Variants in SVOPL observed in about 807,000 individuals in gnomAD.
The protein encoded by SVOPL is putative transporter SVOPL.
Under a neutral mutation model 61.0 loss-of-function variants are expected in SVOPL, and 60 were observed. That is an observed-to-expected ratio of 0.98 (90% CI 0.80 to 1.22). SVOPL has a LOEUF of 1.22. Ranked by LOEUF, SVOPL falls within the 50% of genes most tolerant of loss-of-function variation. The probability of loss-of-function intolerance (pLI) is 0.00; values close to 1 mark genes in which losing one functional copy is unlikely to be tolerated. For missense variants in SVOPL, 662 were observed against 643.9 expected (o/e 1.03, Z -0.30); for synonymous variants, 279 against 250.0 (o/e 1.12, Z -1.09).
intron 13 of SVOPL, among the ~76,000 whole-genome samples, chr7:138,622,081 T>C (rs1303792624): frequency 9.1e-5 from 13 of 142,094 alleles, no homozygotes; most frequent in African/African-American, 3.3e-4. Flanking sequence ...TATCTATCTA[T>C]CTATCTATGT....
chr7:138,700,945 T>C (rs1276759576), intron 1 of SVOPL, among the ~76,000 whole-genome samples: 1 of 152,226 alleles, frequency 6.6e-6, no homozygotes, highest in African/African-American at 2.4e-5. Context: ...CATTTTATTC[T>C]ATTGTATTTT....
Position 138,608,847 on chromosome 7 carries a change from C to T in SVOPL, c.1353+12199G>A, listed in dbSNP as rs145392297. Among the ~76,000 whole-genome samples, 328 of 152,122 alleles carry T rather than the reference C, an allele frequency of 2.2e-3. 3 individuals are homozygous for T. Among genetic ancestry groups the T allele is most frequent in the African/African-American group, 7.5e-3 (311 of 41,488 alleles). On this transcript the variant is annotated intron_variant, in intron 14 of 15. Coordinates refer to ENST00000674285, the MANE Select transcript of SVOPL (RefSeq NM_001139456.2). ...AACCCCGCACAGAAAAAGGAGAACA[C>T]GAACAAGAATGAAAGACAAATAACA...
intron 5 of SVOPL, chr7:138,662,585 G>GC (rs1181882079): frequency 1.0e-6 from 1 of 987,150 alleles, no homozygotes; most frequent in African/African-American, 1.7e-5. Flanking sequence ...GCTCTGAAGG[G>GC]CTAAGGGGCC....
chr7:138,604,677 C>CAAAAA (rs5887890), intron 14 of SVOPL, among the ~76,000 whole-genome samples: 5 of 58,788 alleles, frequency 8.5e-5, no homozygotes, highest in African/African-American at 4.3e-4. Flanking sequence ...AACTTTATCT[C>CAAAAA]AAAAAAAAAA....
rs375556204 is a variant in SVOPL at position 138,620,119 on chromosome 7, G to GTTTTTTTTTTTTTTTTT, written c.1353+926_1353+927insAAAAAAAAAAAAAAAAA. ...TTTTTTTCTTTTTTGTTTTTTTTCTGTTTTGTTTTTTTTTTTTTTTTGAGA... is the reference window on the plus strand; with the variant it reads ...TTTTTTTCTTTTTTGTTTTTTTTCTGTTTTTTTTTTTTTTTTTTTTTGTTTTTTTTTTTTTTTTGAGA... On this transcript the variant is annotated intron_variant, in intron 14 of 15. Coordinates refer to ENST00000674285, the MANE Select transcript of SVOPL (RefSeq NM_001139456.2). 2.4e-4 allele frequency among the ~76,000 whole-genome samples: 27 copies of GTTTTTTTTTTTTTTTTT among 114,580 alleles called. 1 individual carries two copies. Among genetic ancestry groups the GTTTTTTTTTTTTTTTTT allele is most frequent in the Non-Finnish European group, 3.7e-4 (20 of 54,704 alleles). 75.2% of individuals were successfully genotyped at this position (114,580 alleles called of 152,430 possible). A position where few individuals can be genotyped will look rare whatever the true frequency, so the allele number is the denominator to read the frequency against.
intron 3 of SVOPL, among the ~76,000 whole-genome samples, chr7:138,675,370 C>T (rs1011018687): frequency 6.6e-6 from 1 of 151,952 alleles, no homozygotes; most frequent in Admixed American, 6.6e-5. Flanking sequence ...ATTTTTTTAA[C>T]TGAGACTGAG....
intron 13 of SVOPL, among the ~76,000 whole-genome samples, chr7:138,622,314 C>CTATCTATCTATCTATCTAT (rs1365907116): frequency 3.1e-5 from 4 of 130,710 alleles, no homozygotes; most frequent in South Asian, 2.4e-4. Flanking sequence ...ATCTATCTAT[C>CTATCTATCTATCTATCTAT]GACAGAGTCT....
intron 13 of SVOPL, among the ~76,000 whole-genome samples, chr7:138,622,130 CTATCTA>C (rs1799652450): frequency 3.5e-5 from 3 of 85,778 alleles, no homozygotes; most frequent in Admixed American, 1.4e-4. Context: ...ATGTATCTAT[CTATCTA>C]TGTATCTATC....
At chr7:138,624,918 T>G (rs1228653917) in intron 13 of SVOPL, 1 of 152,084 alleles carries the variant, frequency 6.6e-6, no homozygotes, top group African/African-American at 2.4e-5. Context: ...GCCAGGCTGG[T>G]CTTGAACTCC....
chr7:138,659,795 A>AGT (rs1801919560), intron 6 of SVOPL, 69 bp downstream of exon 6: 12 of 1,430,688 alleles, frequency 8.4e-6, no homozygotes, highest in African/African-American at 1.4e-5. Flanking sequence ...TATTAAGCGC[A>AGT]GTGTGTGTGC....
intron 9 of SVOPL, among the ~76,000 whole-genome samples, chr7:138,634,297 A>G (rs1245786557): frequency 6.6e-6 from 1 of 152,230 alleles, no homozygotes; most frequent in East Asian, 1.9e-4. Context: ...GCTTGAGGCC[A>G]GGATTTGAGA....
Position 138,672,175 on chromosome 7 carries a change from C to G in SVOPL, c.175-58G>C, listed in dbSNP as rs1448960165. On this transcript the variant is annotated intron_variant, in intron 3 of 15. Transcript: ENST00000674285. The stretch of plus-strand genomic sequence containing the variant: ...GTGCCAGCTTGTCATCACTTCTTCT[C>G]ATATCTGCCTGCCCATCATCCTACC... 14 of 1,474,476 alleles carry G rather than the reference C, an allele frequency of 9.5e-6. No individual in the cohort carries two copies. The Admixed American group carries it at 9.8e-5, about 10-fold the overall frequency. The allele number at this position is 1,474,476 out of a possible 1,614,324, so 91.3% of individuals were successfully genotyped here. A position where few individuals can be genotyped will look rare whatever the true frequency, so the allele number is the denominator to read the frequency against.
intron 14 of SVOPL, among the ~76,000 whole-genome samples, chr7:138,617,497 C>T (rs941095599): frequency 2.0e-5 from 3 of 152,120 alleles, no homozygotes; most frequent in African/African-American, 7.2e-5. Flanking sequence ...ATAGCTGTGC[C>T]TCCCCAGAGG....
rs758196344 is a variant in SVOPL at position 138,649,128 on chromosome 7, G to A, written c.544C>T (p.Leu182Phe). Residue 182 changes from leucine (L) to phenylalanine (F), a missense_variant, in exon 8 of 16, where the codon CTT (leucine) becomes TTT (phenylalanine). Coordinates refer to ENST00000674285, the MANE Select transcript of SVOPL (RefSeq NM_001139456.2). The part of the protein sequence containing the change: ...YMLPLSQVFW[L>F]AGSLLIIGLA... ...CCAATGATGAGCAGGGAGCCCGCAA[G>A]CCAGAACACCTAGGAAGAGAGAAGT... 23 of 1,613,220 alleles carry A rather than the reference G, an allele frequency of 1.4e-5. 1 individual carries two copies. The South Asian group carries it at 2.3e-4, about 16-fold the overall frequency.
chr7:138,608,156 C>T (rs1798836473), intron 14 of SVOPL, among the ~76,000 whole-genome samples: 1 of 152,154 alleles, frequency 6.6e-6, no homozygotes, highest in African/African-American at 2.4e-5. Flanking sequence ...TTCTTGGATA[C>T]ATAGACAACG....
intron 4 of SVOPL, among the ~76,000 whole-genome samples, chr7:138,669,917 C>T (rs1802374194): frequency 6.6e-6 from 1 of 152,080 alleles, no homozygotes; most frequent in South Asian, 2.1e-4. Context: ...CTTACAAAGT[C>T]CTGTCTTCAT....
At chr7:138,672,327 C>G (rs1196316095) in intron 3 of SVOPL, among the ~76,000 whole-genome samples, 1 of 152,154 alleles carries the variant, frequency 6.6e-6, no homozygotes, top group Non-Finnish European at 1.5e-5. Context: ...GTTTGAACAA[C>G]TTGAGAGAGT....
intron 1 of SVOPL, chr7:138,689,457 C>T: frequency 9.4e-7 from 1 of 1,063,656 alleles, no homozygotes. Flanking sequence ...TGTTCCTAAA[C>T]CAGAAGACAA....
chr7:138,693,019 C>CA (rs897102514), intron 1 of SVOPL, among the ~76,000 whole-genome samples: 5 of 151,904 alleles, frequency 3.3e-5, no homozygotes, highest in African/African-American at 9.7e-5. Flanking sequence ...TGTATAATTA[C>CA]AAAAATAGCT....
Sources: gnomAD v4.1 joint callset for allele counts (sites outside exome capture counted in the v4.1 genomes callset) on GRCh38, gnomAD v4.1.1 for gene constraint, MANE v1.5 for transcripts, NCBI Gene and HGNC (gene_info 2026-07-23, HGNC 2026-07-21) for gene names.